Variants in FUT9 observed in about 807,000 individuals in gnomAD.
FUT9 encodes fucosyltransferase 9, also known as 4-galactosyl-N-acetylglucosaminide 3-alpha-L-fucosyltransferase 9.
In FUT9, 15 loss-of-function variants were observed where a neutral mutation model predicts 29.7. That is an observed-to-expected ratio of 0.51 (90% CI 0.34 to 0.78). The LOEUF (loss-of-function observed/expected upper bound fraction) is 0.78. FUT9 is among the 30% of genes least tolerant of loss of function. The pLI is 0.01. For synonymous variants in FUT9, 169 were observed against 153.7 expected (o/e 1.10, Z -0.74); for missense variants, 319 against 425.4 (o/e 0.75, Z 2.20).
intron 1 of FUT9, among the ~76,000 whole-genome samples, chr6:96,104,260 G>A (rs1771638256): frequency 6.6e-6 from 1 of 152,202 alleles, no homozygotes; most frequent in East Asian, 1.9e-4. Flanking sequence ...GAAATGAAAA[G>A]GATACTTAAG....
chr6:96,205,064 A>C lies in FUT9; in HGVS notation c.*829A>C, dbSNP rs944893384. On this transcript the variant is annotated 3_prime_UTR_variant, in exon 3 of 3. Transcript: ENST00000302103. ...TTTCCTCAAATAACAAAGAAAAATG[A>C]TACCTATAAATATATTTATAAATGG... The C allele has an allele frequency of 1.8e-5, 3 of 166,724 alleles. No homozygotes were observed. The highest frequency in any genetic ancestry group is 7.2e-5 in the African/African-American group (3 of 41,450). 10.3% of individuals were successfully genotyped at this position (166,724 alleles called of 1,614,324 possible).
At position 96,035,662 on chromosome 6, in the gene FUT9, T is replaced by C. The variant is rs930405476; in HGVS notation, c.-98+19450T>C. Reference sequence around the variant, plus strand: ...TATTATATTTATTATACTAATATAATATTATATTAAAATATAATATTATAT... The same window carrying C: ...TATTATATTTATTATACTAATATAACATTATATTAAAATATAATATTATAT... On this transcript the variant is annotated intron_variant, in intron 1 of 2. Coordinates refer to ENST00000302103, the MANE Select transcript of FUT9 (RefSeq NM_006581.4). Among the ~76,000 whole-genome samples, 21 of 140,010 alleles carry C rather than the reference T, an allele frequency of 1.5e-4. No individual in the cohort carries two copies. In the South Asian group the frequency reaches 4.5e-3, roughly 30 times the overall value. 91.9% of individuals were successfully genotyped at this position (140,010 alleles called of 152,430 possible).
rs572132061 is a variant in FUT9 at position 96,088,576 on chromosome 6, G to A, written c.-97-25463G>A. Among the ~76,000 whole-genome samples, 922 of 150,850 alleles carry A rather than the reference G, an allele frequency of 6.1e-3. 14 individuals are homozygous for A. Among genetic ancestry groups the A allele is most frequent in the African/African-American group, 0.021 (871 of 41,168 alleles). On this transcript the variant is annotated intron_variant, in intron 1 of 2. Transcript: ENST00000302103. Reference sequence around the variant, plus strand: ...TGTGTGTGTGTGTGTGTGCGTGCGCGCGCGTGCTCCATATTGGATAGTTTC... The same window carrying A: ...TGTGTGTGTGTGTGTGTGCGTGCGCACGCGTGCTCCATATTGGATAGTTTC...
chr6:96,134,657 C>T (rs937140936), intron 2 of FUT9, among the ~76,000 whole-genome samples: 1 of 151,634 alleles, frequency 6.6e-6, no homozygotes, highest in African/African-American at 2.4e-5. Flanking sequence ...ACAATAATCC[C>T]ACGAAACAGA....
intron 2 of FUT9, among the ~76,000 whole-genome samples, chr6:96,160,101 G>C (rs1772868832): frequency 6.6e-6 from 1 of 152,120 alleles, no homozygotes; most frequent in Non-Finnish European, 1.5e-5. Context: ...TGCCCATACA[G>C]ACATTTTGGT....
Position 96,110,184 on chromosome 6 carries a change from T to A in FUT9, c.-97-3855T>A, listed in dbSNP as rs537183327. 4.1e-3 allele frequency among the ~76,000 whole-genome samples: 617 copies of A among 152,304 alleles called. 2 individuals are homozygous for A. The highest frequency in any genetic ancestry group is 7.5e-3 in the Non-Finnish European group (509 of 68,030). ...TCTTTCTCAGCTCTGTCTCTTCTAA[T>A]GGCCTTGCTAATTCAGCCTGCCCTT... On this transcript the variant is annotated intron_variant, in intron 1 of 2. Transcript: ENST00000302103.
At chr6:96,120,458 T>TA (rs1375468324) in intron 2 of FUT9, among the ~76,000 whole-genome samples, 15 of 149,834 alleles carry the variant, frequency 1.0e-4, no homozygotes, top group Admixed American at 2.0e-4. Context: ...ATTTTTTTTT[T>TA]AATTTTAGTA....
At chr6:96,074,678 A>C (rs979225133) in intron 1 of FUT9, among the ~76,000 whole-genome samples, 3 of 152,202 alleles carry the variant, frequency 2.0e-5, no homozygotes, top group Admixed American at 6.5e-5. Flanking sequence ...TTTTAGAAGA[A>C]AAATTACCTT....
chr6:96,077,933 C>A (rs1771166038), intron 1 of FUT9, among the ~76,000 whole-genome samples: 1 of 152,188 alleles, frequency 6.6e-6, no homozygotes, highest in Admixed American at 6.5e-5. Context: ...TTATCCCTAG[C>A]GTTCCGAAAT....
chr6:96,078,167 A>G, intron 1 of FUT9, among the ~76,000 whole-genome samples: 1 of 151,926 alleles, frequency 6.6e-6, no homozygotes, highest in African/African-American at 2.4e-5. Flanking sequence ...TCTCCCTTTC[A>G]ATTTTTTCTA....
At chr6:96,024,475 T>C (rs1035471520) in intron 1 of FUT9, among the ~76,000 whole-genome samples, 4 of 151,760 alleles carry the variant, frequency 2.6e-5, no homozygotes, top group African/African-American at 9.7e-5. Context: ...CAATACTCTA[T>C]ATTGGGAGCA....
chr6:96,172,161 C>T (rs1340697911), intron 2 of FUT9, among the ~76,000 whole-genome samples: 3 of 152,102 alleles, frequency 2.0e-5, no homozygotes, highest in African/African-American at 7.2e-5. Flanking sequence ...TCACAAGGCA[C>T]TAATTCTATT....
intron 2 of FUT9, among the ~76,000 whole-genome samples, chr6:96,149,924 C>T (rs1772644851): frequency 6.6e-6 from 1 of 151,988 alleles, no homozygotes; most frequent in Non-Finnish European, 1.5e-5. Context: ...CCTATTGTGC[C>T]ACCAAACACT....
At chr6:96,177,847 A>G (rs902228997) in intron 2 of FUT9, among the ~76,000 whole-genome samples, 1 of 152,210 alleles carries the variant, frequency 6.6e-6, no homozygotes, top group African/African-American at 2.4e-5. Flanking sequence ...AGTCTGCCAC[A>G]TAGTAAATGC....
chr6:96,198,824 A>C (rs1195159000), intron 2 of FUT9, among the ~76,000 whole-genome samples: 1 of 152,050 alleles, frequency 6.6e-6, no homozygotes, highest in Admixed American at 6.5e-5. Flanking sequence ...CTGGTGTGAG[A>C]TGGTATCTCA....
At chr6:96,151,045 T>C (rs560944768) in intron 2 of FUT9, among the ~76,000 whole-genome samples, 75 of 152,290 alleles carry the variant, frequency 4.9e-4, no homozygotes, top group African/African-American at 1.8e-3. Context: ...GATTTGCAGA[T>C]ACCAAATAGA....
chr6:96,055,445 G>T (rs1485225753), intron 1 of FUT9, among the ~76,000 whole-genome samples: 2 of 149,590 alleles, frequency 1.3e-5, no homozygotes, highest in African/African-American at 4.9e-5. Flanking sequence ...AAATTTTAGT[G>T]TATCTTTGTC....
intron 1 of FUT9, among the ~76,000 whole-genome samples, chr6:96,086,116 G>A (rs2127952283): frequency 6.6e-6 from 1 of 152,292 alleles, no homozygotes; most frequent in Non-Finnish European, 1.5e-5. Flanking sequence ...AAGGCATAGA[G>A]TACTCTGAAT....
chr6:96,128,480 T>C (rs1053568341), intron 2 of FUT9, among the ~76,000 whole-genome samples: 1 of 152,210 alleles, frequency 6.6e-6, no homozygotes, highest in African/African-American at 2.4e-5. Flanking sequence ...ATAACATTCA[T>C]CGTTATTAAG....
Sources: allele counts gnomAD v4.1 joint callset (sites outside exome capture counted in the v4.1 genomes callset), GRCh38; gene constraint gnomAD v4.1.1; transcripts MANE v1.5; gene names NCBI Gene and HGNC (gene_info 2026-07-23, HGNC 2026-07-21).